The following TM9SF2 variants were observed in gnomAD, a reference collection of about 807,000 sequenced individuals.
TM9SF2 encodes the protein transmembrane 9 superfamily member 2.
A neutral mutation model predicts 84.9 loss-of-function variants in TM9SF2; 13 were observed. The ratio of observed to expected loss-of-function variants is 0.15; its 90% CI spans 0.10 to 0.24. The LOEUF (loss-of-function observed/expected upper bound fraction) is 0.24, where lower values mean the gene tolerates loss of function less well. TM9SF2 is among the 10% of genes least tolerant of loss of function. The pLI, the probability that TM9SF2 is intolerant of heterozygous loss-of-function variation, is 1.00. For missense variants in TM9SF2, 562 were observed against 818.5 expected, an observed-to-expected ratio of 0.69 and a Z score of 3.82; for synonymous variants, 273 against 285.8, an observed-to-expected ratio of 0.96 and a Z score of 0.45.
intron 1 of TM9SF2, among the ~76,000 whole-genome samples, chr13:99,503,973 C>T (rs965357871): frequency 7.2e-5 from 11 of 152,192 alleles, no homozygotes; most frequent in Admixed American, 3.9e-4. Context: ...TTATTGCCAG[C>T]TACACTCACA....
chr13:99,541,470 T>A, intron 8 of TM9SF2, 89 bp from the exon 9 acceptor site: 2 of 895,294 alleles, frequency 2.2e-6, no homozygotes, highest in Admixed American at 2.4e-5. Flanking sequence ...CAAGACTGTT[T>A]TAATGTTACT....
intron 3 of TM9SF2, among the ~76,000 whole-genome samples, chr13:99,521,712 T>C (rs2046161187): frequency 6.6e-6 from 1 of 152,142 alleles, no homozygotes; most frequent in Non-Finnish European, 1.5e-5. Flanking sequence ...TTTTTTTTCT[T>C]TTCTTTTTTT....
intron 1 of TM9SF2, among the ~76,000 whole-genome samples, chr13:99,512,780 G>A (rs2046118925): frequency 6.6e-6 from 1 of 152,234 alleles, no homozygotes; most frequent in African/African-American, 2.4e-5. Context: ...TAAAGGAAGT[G>A]TGGCTTGGGT....
At chr13:99,529,678 G>T in intron 4 of TM9SF2, 84 bp downstream of exon 4, 1 of 1,322,972 alleles carries the variant, frequency 7.6e-7, no homozygotes, top group South Asian at 2.1e-5. Flanking sequence ...TTACTTGATT[G>T]TGTAAAATAT....
chr13:99,553,680 G>A lies in TM9SF2; in HGVS notation c.1489-624G>A, dbSNP rs1489474398. 3.3e-5 allele frequency among the ~76,000 whole-genome samples: 5 copies of A among 152,310 alleles called. No homozygotes were observed. The East Asian group carries it at 9.6e-4, about 29-fold the overall frequency. On this transcript the variant is annotated intron_variant, in intron 13 of 16. Coordinates refer to ENST00000376387, the MANE Select transcript of TM9SF2 (RefSeq NM_004800.3). The stretch of plus-strand genomic sequence containing the variant: ...TTTTTGAACTTTCTTACAAGGAAAT[G>A]ACTTTCTACATCTGTACTGTCTTCC...
At chr13:99,521,746 A>G (rs1013783003) in intron 3 of TM9SF2, among the ~76,000 whole-genome samples, 1 of 151,900 alleles carries the variant, frequency 6.6e-6, no homozygotes, top group African/African-American at 2.4e-5. Context: ...TTGCTCTGTC[A>G]CCCAGGCTGG....
rs2046351612 is a variant in TM9SF2 at position 99,563,208 on chromosome 13, C to T, written c.*450C>T. On this transcript the variant is annotated 3_prime_UTR_variant, in exon 17 of 17. Coordinates refer to ENST00000376387, the MANE Select transcript of TM9SF2 (RefSeq NM_004800.3). ...TCATGGTAATTTTGAAGGATGATTC[C>T]TATGATGTGTTCACCAGGGGAATGT... The T allele has an allele frequency of 6.5e-6, 1 of 153,812 alleles. No individual in the cohort carries two copies. The highest frequency in any genetic ancestry group is 2.4e-5 in the African/African-American group (1 of 41,448). 9.5% of individuals were successfully genotyped at this position (153,812 alleles called of 1,614,324 possible). A position where few individuals can be genotyped will look rare whatever the true frequency, so the allele number is the denominator to read the frequency against.
chr13:99,510,616 AAAC>A (rs1279083863), intron 1 of TM9SF2, among the ~76,000 whole-genome samples: 4 of 152,134 alleles, frequency 2.6e-5, no homozygotes, highest in Admixed American at 2.6e-4. Flanking sequence ...CACACTTTAC[AAAC>A]AACCAGATCT....
chr13:99,515,772 G>A (rs970418), intron 1 of TM9SF2, among the ~76,000 whole-genome samples: 78,263 of 142,908 alleles, frequency 0.55, 22,408 homozygotes, highest in East Asian at 0.7. Context: ...TCGCTCTGTT[G>A]CCCAGGCTGG....
chr13:99,557,033 G>A (rs926735009), intron 15 of TM9SF2, among the ~76,000 whole-genome samples: 2 of 152,094 alleles, frequency 1.3e-5, no homozygotes, highest in Non-Finnish European at 2.9e-5. Flanking sequence ...CCTGTTTTTG[G>A]TTTTGAGGTA....
At chr13:99,538,943 G>A (rs1224044851) in intron 6 of TM9SF2, among the ~76,000 whole-genome samples, 3 of 150,564 alleles carry the variant, frequency 2.0e-5, no homozygotes, top group Non-Finnish European at 3.0e-5. Flanking sequence ...GGTGGCTCAT[G>A]TTGTAATCCC....
chr13:99,519,769 TATA>T (rs767690080), intron 2 of TM9SF2: 1 of 236,322 alleles, frequency 4.2e-6, no homozygotes, highest in Non-Finnish European at 8.2e-6. Context: ...AAAAATGAAT[TATA>T]ATGAGTCAAT....
At chr13:99,512,830 T>C (rs996539641) in intron 1 of TM9SF2, among the ~76,000 whole-genome samples, 4 of 152,164 alleles carry the variant, frequency 2.6e-5, no homozygotes, top group African/African-American at 9.6e-5. Context: ...GAGAAATCCA[T>C]GGGGAGTGCT....
At chr13:99,538,336 C>T (rs1049683481) in intron 6 of TM9SF2, among the ~76,000 whole-genome samples, 7 of 152,016 alleles carry the variant, frequency 4.6e-5, no homozygotes, top group Admixed American at 1.3e-4. Context: ...TTTTTTATCA[C>T]GAACGTACAT....
intron 1 of TM9SF2, 66 bp downstream of exon 1, chr13:99,501,843 G>A: frequency 6.5e-7 from 1 of 1,547,002 alleles, no homozygotes; most frequent in South Asian, 1.2e-5. Context: ...ATCCGGGGGA[G>A]CTGATCCTCG....
chr13:99,553,359 A>G (rs2046313515), intron 13 of TM9SF2, among the ~76,000 whole-genome samples: 1 of 152,228 alleles, frequency 6.6e-6, no homozygotes, highest in African/African-American at 2.4e-5. Flanking sequence ...CTTCTTCGGC[A>G]TTTTGTTTAA....
intron 10 of TM9SF2, among the ~76,000 whole-genome samples, chr13:99,546,738 G>C (rs1220615276): frequency 6.6e-6 from 1 of 152,150 alleles, no homozygotes; most frequent in East Asian, 1.9e-4. Context: ...ATCACAGGAA[G>C]GATGTGATCT....
At chr13:99,523,339 CAG>C (rs2046168500) in intron 3 of TM9SF2, among the ~76,000 whole-genome samples, 1 of 152,064 alleles carries the variant, frequency 6.6e-6, no homozygotes, top group Admixed American at 6.5e-5. Flanking sequence ...TTTGGAGAGA[CAG>C]GGTCTCACTA....
rs935806052 is a variant in TM9SF2 at position 99,525,617 on chromosome 13, G to A, written c.334-3850G>A. Among the ~76,000 whole-genome samples the A allele has an allele frequency of 3.3e-5, 5 of 150,020 alleles. No homozygotes were observed. The East Asian group carries it at 5.9e-4, about 18-fold the overall frequency. ...GTAGCCCAGGCTGGAGTGCAGTGGC[G>A]TGATCTCGGCTTACTGCAAGCTCCA... is the stretch of plus-strand genomic sequence containing the variant. On this transcript the variant is annotated intron_variant, in intron 3 of 16. Transcript: ENST00000376387.
Sources: allele counts gnomAD v4.1 joint callset (sites outside exome capture counted in the v4.1 genomes callset), GRCh38; gene constraint gnomAD v4.1.1; transcripts MANE v1.5; gene names NCBI Gene and HGNC (gene_info 2026-07-23, HGNC 2026-07-21).